The following ANKS1B variants were observed in gnomAD, a reference collection of about 807,000 sequenced individuals.
The protein encoded by ANKS1B is ankyrin repeat and sterile alpha motif domain containing 1B, also known as ankyrin repeat and sterile alpha motif domain-containing protein 1B.
Under a neutral mutation model 148.3 loss-of-function variants are expected in ANKS1B, and 36 were observed. The ratio of observed to expected loss-of-function variants is 0.24; its 90% CI spans 0.19 to 0.32. ANKS1B has a LOEUF of 0.32. Ranked by LOEUF, ANKS1B falls within the 10% of genes least tolerant of loss-of-function variation. ANKS1B has a pLI of 1.00. For synonymous variants in ANKS1B, 542 were observed against 560.8 expected, an observed-to-expected ratio of 0.97 and a Z score of 0.47; for missense variants, 1,157 against 1,542.6, an observed-to-expected ratio of 0.75 and a Z score of 4.19.
chr12:99,179,398 C>T (rs1020161797), intron 14 of ANKS1B, among the ~76,000 whole-genome samples: 19 of 142,926 alleles, frequency 1.3e-4, no homozygotes, highest in Middle Eastern at 7.3e-3. Context: ...CACTGCACTC[C>T]GGCCTGGGTG....
chr12:99,677,697 T>C (rs2098586599), intron 8 of ANKS1B, among the ~76,000 whole-genome samples: 1 of 152,044 alleles, frequency 6.6e-6, no homozygotes. Context: ...TAAAGTTCAG[T>C]TTGTAGTGGC....
intron 15 of ANKS1B, among the ~76,000 whole-genome samples, chr12:99,097,775 GT>G (rs1297877706): frequency 1.3e-5 from 2 of 152,104 alleles, no homozygotes; most frequent in African/African-American, 4.8e-5. Flanking sequence ...ACTCCCTTAG[GT>G]CTTAATTTTC....
intron 8 of ANKS1B, among the ~76,000 whole-genome samples, chr12:99,684,282 T>C (rs1253029245): frequency 1.4e-5 from 2 of 146,324 alleles, no homozygotes; most frequent in Admixed American, 7.0e-5. Flanking sequence ...ACAAAATCAA[T>C]ATATACAAAT....
At chr12:99,364,612 ACT>A (rs2092669838) in intron 12 of ANKS1B, among the ~76,000 whole-genome samples, 1 of 152,070 alleles carries the variant, frequency 6.6e-6, no homozygotes, top group South Asian at 2.1e-4. Flanking sequence ...GACTTCGGTG[ACT>A]CTCTTGAAGG....
At chr12:98,947,715 TAACTC>T (rs1310986709) in intron 17 of ANKS1B, among the ~76,000 whole-genome samples, 1 of 152,214 alleles carries the variant, frequency 6.6e-6, no homozygotes, top group Non-Finnish European at 1.5e-5. Context: ...CTTTGAGAGT[TAACTC>T]AGGTAGGACC....
chr12:99,791,619 G>A (rs961989617), intron 4 of ANKS1B, among the ~76,000 whole-genome samples: 1 of 151,766 alleles, frequency 6.6e-6, no homozygotes, highest in Admixed American at 6.6e-5. Flanking sequence ...TGGAAACTAT[G>A]CAAACAGACA....
intron 12 of ANKS1B, among the ~76,000 whole-genome samples, chr12:99,313,748 G>C (rs974674300): frequency 6.6e-6 from 1 of 152,042 alleles, no homozygotes; most frequent in African/African-American, 2.4e-5. Context: ...CAATAAACTA[G>C]GTATTGATGG....
intron 8 of ANKS1B, among the ~76,000 whole-genome samples, chr12:99,677,296 T>C (rs548064138): frequency 3.3e-5 from 5 of 152,344 alleles, no homozygotes; most frequent in African/African-American, 1.2e-4. Context: ...GACTTAGATC[T>C]TAAAAGCAGT....
intron 2 of ANKS1B, among the ~76,000 whole-genome samples, chr12:99,821,598 C>T (rs2082509426): frequency 6.6e-6 from 1 of 151,828 alleles, no homozygotes; most frequent in South Asian, 2.1e-4. Flanking sequence ...GATATGAATG[C>T]TAATCCATTT....
chr12:99,820,756 G>A (rs1293506466), intron 2 of ANKS1B, among the ~76,000 whole-genome samples: 3 of 151,924 alleles, frequency 2.0e-5, no homozygotes, highest in Non-Finnish European at 4.4e-5. Flanking sequence ...ATGATTATGG[G>A]AGGCAGGCCA....
intron 12 of ANKS1B, among the ~76,000 whole-genome samples, chr12:99,381,780 TGAA>T (rs1323487897): frequency 1.3e-5 from 2 of 152,212 alleles, no homozygotes; most frequent in East Asian, 1.9e-4. Flanking sequence ...AAGCAAAGAA[TGAA>T]GAAGACCTTT....
chr12:98,773,524 G>A (rs553360370), intron 24 of ANKS1B, among the ~76,000 whole-genome samples: 13 of 152,112 alleles, frequency 8.5e-5, no homozygotes, highest in Admixed American at 2.6e-4. Context: ...GTGCAATCTC[G>A]GCTCACTGCA....
At chr12:98,781,788 AG>A (rs1349847590) in intron 23 of ANKS1B, among the ~76,000 whole-genome samples, 1 of 152,244 alleles carries the variant, frequency 6.6e-6, no homozygotes, top group Non-Finnish European at 1.5e-5. Flanking sequence ...TGTGACCACA[AG>A]GGATGTAATG....
intron 9 of ANKS1B, among the ~76,000 whole-genome samples, chr12:99,622,941 A>G (rs1466516370): frequency 6.6e-6 from 1 of 151,986 alleles, no homozygotes; most frequent in East Asian, 1.9e-4. Flanking sequence ...AGACACAACA[A>G]TAACATAAAA....
chr12:98,790,370 T>A (rs978785653), intron 22 of ANKS1B, among the ~76,000 whole-genome samples: 4 of 152,230 alleles, frequency 2.6e-5, no homozygotes, highest in Admixed American at 6.5e-5. Flanking sequence ...AGTTACTTCA[T>A]CTGTAAACGG....
chr12:99,634,389 G>C (rs1034757374), intron 9 of ANKS1B, among the ~76,000 whole-genome samples: 3 of 152,084 alleles, frequency 2.0e-5, no homozygotes, highest in Admixed American at 2.0e-4. Flanking sequence ...GCTCTCACCA[G>C]ATGTAGCCCC....
Position 98,998,484 on chromosome 12 carries a change from GAGA to G in ANKS1B, c.2778+54670_2778+54672del, listed in dbSNP as rs1216051989. Among the ~76,000 whole-genome samples, 5 of 152,264 alleles carry G rather than the reference GAGA, an allele frequency of 3.3e-5. No homozygotes were observed. In the East Asian group the frequency reaches 9.7e-4, roughly 29 times the overall value. On this transcript the variant is annotated intron_variant, in intron 17 of 26. Transcript: ENST00000683438. ...ATGAGAACTGTATTGCTTTAAGTTG[GAGA>G]AAAGCTGCAAGTAAGACAACATATT...
intron 19 of ANKS1B, among the ~76,000 whole-genome samples, chr12:98,819,363 C>T (rs2099166470): frequency 6.6e-6 from 1 of 152,120 alleles, no homozygotes; most frequent in Non-Finnish European, 1.5e-5. Context: ...CCCACATCCC[C>T]CTTATCACAT....
Position 99,919,412 on chromosome 12 carries a change from C to T in ANKS1B, c.134+64692G>A, listed in dbSNP as rs922293935. Among the ~76,000 whole-genome samples, 4 of 152,038 alleles carry T rather than the reference C, an allele frequency of 2.6e-5. No homozygotes were observed. The South Asian group carries it at 6.2e-4, about 24-fold the overall frequency. ...TCTTCATAGGTATTATTAATTAATT[C>T]ATGTTTACATAATTACTTGCAACTA... On this transcript the variant is annotated intron_variant, in intron 1 of 26. Transcript: ENST00000683438.
Sources: allele counts gnomAD v4.1 joint callset (sites outside exome capture counted in the v4.1 genomes callset), GRCh38; gene constraint gnomAD v4.1.1; transcripts MANE v1.5; gene names NCBI Gene and HGNC (gene_info 2026-07-23, HGNC 2026-07-21).